Variants in SMG6 observed in about 807,000 individuals in gnomAD.
The protein encoded by SMG6 is telomerase-binding protein EST1A.
SMG6 carries 66 observed loss-of-function variants against 142.2 expected under a neutral mutation model. That is an observed-to-expected ratio of 0.46 (90% CI 0.38 to 0.57). The LOEUF is 0.57. Ranked by LOEUF, SMG6 falls within the 20% of genes least tolerant of loss-of-function variation. The probability of loss-of-function intolerance (pLI) is 0.00; values close to 1 mark genes in which losing one functional copy is unlikely to be tolerated. For missense variants in SMG6, 1,793 were observed against 1,832.0 expected, an observed-to-expected ratio of 0.98 and a Z score of 0.39; for synonymous variants, 779 against 702.4, an observed-to-expected ratio of 1.11 and a Z score of -1.72.
At chr17:2,245,158 CTT>C (rs2073901272) in intron 8 of SMG6, among the ~76,000 whole-genome samples, 1 of 152,166 alleles carries the variant, frequency 6.6e-6, no homozygotes, top group African/African-American at 2.4e-5. Flanking sequence ...AAGCAGGACT[CTT>C]TGACAACCAA....
At chr17:2,236,701 T>TCTCTCACACACACACA (rs1161732926) in intron 9 of SMG6, 64 bp from the exon 10 acceptor site, 1 of 914,350 alleles carries the variant, frequency 1.1e-6, no homozygotes, top group African/African-American at 1.9e-5. Context: ...TCACTCTGTC[T>TCTCTCACACACACACA]CACACACACA....
chr17:2,198,950 T>TAAAAAAA (rs55660022), intron 10 of SMG6, among the ~76,000 whole-genome samples: 37 of 102,112 alleles, frequency 3.6e-4, no homozygotes, highest in African/African-American at 8.1e-4. Context: ...AAAATAAAAT[T>TAAAAAAA]AAAAAAAAAA....
At chr17:2,147,448 A>C (rs1036777610) in intron 13 of SMG6, among the ~76,000 whole-genome samples, 1 of 152,166 alleles carries the variant, frequency 6.6e-6, no homozygotes, top group Non-Finnish European at 1.5e-5. Flanking sequence ...AGTTAGGATC[A>C]GAGCCTAGGT....
chr17:2,165,929 T>G (rs1242039004), intron 13 of SMG6, among the ~76,000 whole-genome samples: 1 of 151,460 alleles, frequency 6.6e-6, no homozygotes, highest in African/African-American at 2.4e-5. Context: ...ACAAACAAAA[T>G]GGACGGGCGC....
chr17:2,233,899 C>G lies in SMG6; in HGVS notation c.2869+2593G>C, dbSNP rs554789625. 1.8e-4 allele frequency among the ~76,000 whole-genome samples: 27 copies of G among 152,322 alleles called. 1 individual carries two copies. Among genetic ancestry groups the G allele is most frequent in the South Asian group, 6.2e-4 (3 of 4,828 alleles). Reference sequence around the variant, plus strand: ...GCTGCACACTGGGTACTTGGCAGCACGTCCACAGAGCTCTCTGTCCTCACT... The same window carrying G: ...GCTGCACACTGGGTACTTGGCAGCAGGTCCACAGAGCTCTCTGTCCTCACT... On this transcript the variant is annotated intron_variant, in intron 10 of 18. Coordinates refer to ENST00000263073, the MANE Select transcript of SMG6 (RefSeq NM_017575.5).
At chr17:2,207,611 A>G (rs78446606) in intron 10 of SMG6, among the ~76,000 whole-genome samples, 1,555 of 152,258 alleles carry the variant, frequency 0.01, 32 homozygotes, top group African/African-American at 0.034. Context: ...TAAAATATCT[A>G]TAATTAAATA....
chr17:2,299,149 G>T lies in SMG6; in HGVS notation c.1604C>A (p.Thr535Lys), dbSNP rs750794759. Reference protein sequence around the residue: ...YNPLQYPVGPTNGVYPGPYYP... With the variant: ...YNPLQYPVGPKNGVYPGPYYP... Reference sequence around the variant, plus strand: ...GTAAGGCCCTGGGTACACACCATTCGTAGGGCCCACTGGGTACTGTAGAGG... The same window carrying T: ...GTAAGGCCCTGGGTACACACCATTCTTAGGGCCCACTGGGTACTGTAGAGG... The change falls in exon 2 of 19, where the codon ACG (threonine) becomes AAG (lysine). Residue 535 changes from threonine to lysine, a missense_variant. Thr to Lys is a moderately conservative substitution (Grantham distance 78). Around this residue, in one of 3 missense-constraint regions of SMG6, gnomAD observed 1,597 missense variants for 1,584.6 expected, o/e 1.01. Transcript: ENST00000263073. The surrounding 1 kb of genome is among the most constrained non-coding windows in gnomAD (Gnocchi z 4.3). The T allele has an allele frequency of 1.9e-6, 3 of 1,613,028 alleles. No homozygotes were observed. The highest frequency in any genetic ancestry group is 4.5e-5 in the East Asian group (2 of 44,872).
chr17:2,156,122 G>C (rs1242974047), intron 13 of SMG6, among the ~76,000 whole-genome samples: 1 of 149,620 alleles, frequency 6.7e-6, no homozygotes, highest in Admixed American at 6.7e-5. Context: ...GGGTGCCGTG[G>C]TTCACGCCTG....
intron 10 of SMG6, among the ~76,000 whole-genome samples, chr17:2,191,616 A>C (rs766851326): frequency 3.5e-4 from 53 of 152,192 alleles, no homozygotes; most frequent in Admixed American, 1.6e-3. Context: ...GTTTTGGCTA[A>C]GGAAGTCAGA....
chr17:2,084,952 G>A (rs886626528), intron 14 of SMG6, among the ~76,000 whole-genome samples: 37 of 152,042 alleles, frequency 2.4e-4, no homozygotes, highest in African/African-American at 8.9e-4. Context: ...CAGAGAGCAG[G>A]GAAGCTGGCA....
intron 8 of SMG6, among the ~76,000 whole-genome samples, chr17:2,250,587 A>G (rs540821544): frequency 6.6e-6 from 1 of 152,150 alleles, no homozygotes; most frequent in South Asian, 2.1e-4. Context: ...GGGTCTCACT[A>G]TATTGCCAAG....
chr17:2,155,060 T>G (rs2070959456), intron 13 of SMG6, among the ~76,000 whole-genome samples: 1 of 151,458 alleles, frequency 6.6e-6, no homozygotes, highest in Admixed American at 6.6e-5. Context: ...AAAAAATTTT[T>G]TTTTTTTTTT....
In SMG6 at chr17:2,172,789, C is replaced by T; in HGVS notation, c.3226G>A (p.Val1076Met). 6.2e-7 allele frequency: 1 copy of T among 1,614,150 alleles called. No homozygotes were observed. Among genetic ancestry groups the T allele is most frequent in the East Asian group, 2.2e-5 (1 of 44,880 alleles). The change falls in exon 13 of 19, where the codon GTG becomes ATG. Residue 1076 changes from valine (V) to methionine (M), a missense_variant. Physicochemically the swap from Val to Met is conservative, Grantham distance 21 (BLOSUM62 1). This residue lies in a region of SMG6 where 1,597 missense variants were observed against 1,584.6 expected (regional missense o/e 1.01). Transcript: ENST00000263073. ...TCATCCGGGTCCTTGTACAGTGGCA[C>T]CTCAGACTGATTCACTGCAGTCAGT... ...NILTAVNQSE[V>M]PLYKDPDDDL...
chr17:2,180,015 T>G (rs971537056), intron 12 of SMG6, among the ~76,000 whole-genome samples: 5 of 152,172 alleles, frequency 3.3e-5, no homozygotes, highest in Admixed American at 6.5e-5. Flanking sequence ...AAGTGAAGAT[T>G]TGGCCTCAGC....
At chr17:2,086,507 G>C (rs550821826) in intron 13 of SMG6, among the ~76,000 whole-genome samples, 3 of 152,302 alleles carry the variant, frequency 2.0e-5, no homozygotes, top group Admixed American at 2.0e-4. Flanking sequence ...TCAGGAGAGA[G>C]ACAGGCAGAG....
chr17:2,074,138 G>A (rs1215310531), intron 15 of SMG6, among the ~76,000 whole-genome samples: 1 of 152,088 alleles, frequency 6.6e-6, no homozygotes, highest in Non-Finnish European at 1.5e-5. Flanking sequence ...GTGCAGTGGT[G>A]CGATCACAGG....
At chr17:2,107,666 C>A (rs1223811772) in intron 13 of SMG6, among the ~76,000 whole-genome samples, 1 of 152,126 alleles carries the variant, frequency 6.6e-6, no homozygotes, top group African/African-American at 2.4e-5. Context: ...TCTGATGGAA[C>A]AAGCCATCTG....
intron 13 of SMG6, among the ~76,000 whole-genome samples, chr17:2,096,005 T>C (rs535931719): frequency 1.3e-5 from 2 of 152,194 alleles, no homozygotes; most frequent in Non-Finnish European, 2.9e-5. Flanking sequence ...GCAGTTATTT[T>C]ACATTTAAGC....
chr17:2,157,935 G>C (rs2071058052), intron 13 of SMG6, among the ~76,000 whole-genome samples: 1 of 152,196 alleles, frequency 6.6e-6, no homozygotes, highest in South Asian at 2.1e-4. Flanking sequence ...CCCACCACCA[G>C]TAGAACCTGG....
Sources: gnomAD v4.1 joint callset for allele counts (sites outside exome capture counted in the v4.1 genomes callset) on GRCh38, gnomAD v4.1.1 for gene constraint, gnomAD v4.1.1 regional missense constraint, Gnocchi (gnomAD v3.1) non-coding constraint, MANE v1.5 for transcripts, NCBI Gene and HGNC (gene_info 2026-07-23, HGNC 2026-07-21) for gene names.